PEX3: variants seen among roughly 807,000 people sequenced by gnomAD.
PEX3 encodes the protein peroxisomal biogenesis factor 3.
Under a neutral mutation model 55.8 loss-of-function variants are expected in PEX3, and 30 were observed. The ratio of observed to expected loss-of-function variants is 0.54; its 90% CI spans 0.40 to 0.73. The LOEUF (loss-of-function observed/expected upper bound fraction) is 0.73, where lower values mean the gene tolerates loss of function less well. PEX3 is among the 30% of genes least tolerant of loss of function. The probability of loss-of-function intolerance (pLI) is 0.00; values close to 1 mark genes in which losing one functional copy is unlikely to be tolerated. For synonymous variants in PEX3, 135 were observed against 148.4 expected (o/e 0.91, Z 0.66); for missense variants, 351 against 432.8 (o/e 0.81, Z 1.68).
At position 143,489,679 on chromosome 6, in the gene PEX3, G is replaced by A. The variant is rs2128748420; in HGVS notation, c.*453G>A. 1 of 152,138 alleles carries A rather than the reference G, an allele frequency of 6.6e-6. No homozygotes were observed. The highest frequency in any genetic ancestry group is 2.4e-5 in the African/African-American group (1 of 41,522). 9.4% of individuals were successfully genotyped at this position (152,138 alleles called of 1,614,324 possible). Reference sequence around the variant, plus strand: ...GTTCCCTAGACTGCTGTAAACAGAAGTGAATCAGACTTTTCTCCAGCTACC... The same window carrying A: ...GTTCCCTAGACTGCTGTAAACAGAAATGAATCAGACTTTTCTCCAGCTACC... On this transcript the variant is annotated 3_prime_UTR_variant, in exon 12 of 12. Coordinates refer to ENST00000367591, the MANE Select transcript of PEX3 (RefSeq NM_003630.3). The surrounding 1 kb of genome is among the most constrained non-coding windows in gnomAD (Gnocchi z 5.5).
At chr6:143,461,358 G>A (rs1779916979) in intron 2 of PEX3, among the ~76,000 whole-genome samples, 1 of 152,142 alleles carries the variant, frequency 6.6e-6, no homozygotes, top group South Asian at 2.1e-4. Flanking sequence ...GGGGTCACAC[G>A]TTTCCATGAT....
In PEX3 at chr6:143,465,206, G is replaced by A. The variant is rs1779975559; in HGVS notation, c.287+2209G>A. 6.6e-6 allele frequency among the ~76,000 whole-genome samples: 1 copy of A among 151,938 alleles called. No homozygotes were observed. The highest frequency in any genetic ancestry group is 1.5e-5 in the Non-Finnish European group (1 of 67,846). Reference sequence around the variant, plus strand: ...TTGATTTCCATCAAACAAATCATTTGAAAGGAATATTTGTGTTGAAGGTAC... The same window carrying A: ...TTGATTTCCATCAAACAAATCATTTAAAAGGAATATTTGTGTTGAAGGTAC... On this transcript the variant is annotated intron_variant, in intron 3 of 11. Coordinates refer to ENST00000367591, the MANE Select transcript of PEX3 (RefSeq NM_003630.3). The surrounding 1 kb of genome is among the most constrained non-coding windows in gnomAD (Gnocchi z 4.7).
At position 143,451,192 on chromosome 6, in the gene PEX3, G is replaced by C; in HGVS notation, c.73+77G>C. ...GTGACTTCTTCTAAAATAAGGACAG[G>C]CCGGGCGATCCTAGTCTGGGATATG... On this transcript the variant is annotated intron_variant, in intron 1 of 11. Transcript: ENST00000367591. This position sits in a 1 kb window ranked among gnomAD's most constrained non-coding sequence, Gnocchi z 4.1. 1.9e-6 allele frequency: 2 copies of C among 1,046,118 alleles called. No homozygotes were observed. The highest frequency in any genetic ancestry group is 3.0e-6 in the Non-Finnish European group (2 of 665,894). The allele number at this position is 1,046,118 out of a possible 1,614,324, so 64.8% of individuals were successfully genotyped here. A position where few individuals can be genotyped will look rare whatever the true frequency, so the allele number is the denominator to read the frequency against.
At position 143,451,155 on chromosome 6, in the gene PEX3, G is replaced by C. The variant is rs779123399; in HGVS notation, c.73+40G>C. On this transcript the variant is annotated intron_variant, in intron 1 of 11. Coordinates refer to ENST00000367591, the MANE Select transcript of PEX3 (RefSeq NM_003630.3). The surrounding 1 kb of genome is among the most constrained non-coding windows in gnomAD (Gnocchi z 4.1). Reference sequence around the variant, plus strand: ...GCTTGAAAGGGGGCATTGGGAGAAGGGGGTGGGAGAGGTGACTTCTTCTAA... The same window carrying C: ...GCTTGAAAGGGGGCATTGGGAGAAGCGGGTGGGAGAGGTGACTTCTTCTAA... The C allele has an allele frequency of 2.2e-6, 3 of 1,376,352 alleles. No homozygotes were observed. The highest frequency in any genetic ancestry group is 3.3e-5 in the Admixed American group (2 of 59,742). 85.3% of individuals were successfully genotyped at this position (1,376,352 alleles called of 1,614,324 possible).
intron 10 of PEX3, among the ~76,000 whole-genome samples, chr6:143,481,017 C>T (rs1290376594): frequency 6.8e-6 from 1 of 148,078 alleles, no homozygotes; most frequent in Non-Finnish European, 1.5e-5. Flanking sequence ...CCTGCCCCCC[C>T]AAAAAAAGAA....
At position 143,489,205 on chromosome 6, in the gene PEX3, C is replaced by G; in HGVS notation, c.1101C>G (p.Thr367=). 2.5e-6 allele frequency: 4 copies of G among 1,598,966 alleles called. No individual in the cohort carries two copies. The highest frequency in any genetic ancestry group is 2.6e-6 in the Non-Finnish European group (3 of 1,166,532). ...FAANVYEAFS[T]PQQLEK ...CTAATGTGTATGAAGCTTTTAGTAC[C>G]CCTCAGCAACTGGAGAAATGATTTT... is the stretch of plus-strand genomic sequence containing the variant. The change falls in exon 12 of 12, where the codon ACC becomes ACG. Residue 367 remains threonine, a synonymous_variant. Coordinates refer to ENST00000367591, the MANE Select transcript of PEX3 (RefSeq NM_003630.3). The surrounding 1 kb of genome is among the most constrained non-coding windows in gnomAD (Gnocchi z 5.5).
At chr6:143,472,045 T>A in intron 7 of PEX3, 115 bp from the exon 8 acceptor site, 1 of 751,818 alleles carries the variant, frequency 1.3e-6, no homozygotes, top group Non-Finnish European at 2.3e-6. Context: ...AGTCAGCAGT[T>A]ACAGGTGTAA....
intron 1 of PEX3, among the ~76,000 whole-genome samples, chr6:143,457,818 G>A (rs1206550880): frequency 6.6e-6 from 1 of 152,134 alleles, no homozygotes; most frequent in East Asian, 1.9e-4. Flanking sequence ...TCATGCTACC[G>A]CAGAACTGCT....
At position 143,476,613 on chromosome 6, in the gene PEX3, A is replaced by T. The variant is rs995262422; in HGVS notation, c.818+1757A>T. On this transcript the variant is annotated intron_variant, in intron 9 of 11. Coordinates refer to ENST00000367591, the MANE Select transcript of PEX3 (RefSeq NM_003630.3). This position sits in a 1 kb window ranked among gnomAD's most constrained non-coding sequence, Gnocchi z 5.4. The stretch of plus-strand genomic sequence containing the variant: ...ATAGATTTATTTTTAAGGTTGAACC[A>T]GTAGTACTTGTGGAATTATTTAGTG... 1.4e-4 allele frequency among the ~76,000 whole-genome samples: 21 copies of T among 152,208 alleles called. 1 individual carries two copies. The highest frequency in any genetic ancestry group is 1.5e-5 in the Non-Finnish European group (1 of 68,026).
rs539815727 is a variant in PEX3 at position 143,450,931 on chromosome 6, A to G, written c.-112A>G. ...CACGTTTGTGATTTCGGGAGAGCACAGAACGGGACGACGGCGCTCTTGCTG... is the reference window on the plus strand; with the variant it reads ...CACGTTTGTGATTTCGGGAGAGCACGGAACGGGACGACGGCGCTCTTGCTG... On this transcript the variant is annotated 5_prime_UTR_variant, in exon 1 of 12. Transcript: ENST00000367591. 5.7e-5 allele frequency: 50 copies of G among 880,794 alleles called. No homozygotes were observed. The highest frequency in any genetic ancestry group is 5.6e-4 in the Admixed American group (33 of 59,144). 54.6% of individuals were successfully genotyped at this position (880,794 alleles called of 1,614,324 possible).
At position 143,472,346 on chromosome 6, in the gene PEX3, A is replaced by G; in HGVS notation, c.747+18A>G. The G allele has an allele frequency of 6.4e-7, 1 of 1,567,012 alleles. No homozygotes were observed. The highest frequency in any genetic ancestry group is 8.8e-7 in the Non-Finnish European group (1 of 1,138,830). ...CAGTGCAGGTGCTTAATTCATAACCATTTAACCAAACCAGTTACTCTATTC... is the reference window on the plus strand; with the variant it reads ...CAGTGCAGGTGCTTAATTCATAACCGTTTAACCAAACCAGTTACTCTATTC... On this transcript the variant is annotated intron_variant, in intron 8 of 11. Coordinates refer to ENST00000367591, the MANE Select transcript of PEX3 (RefSeq NM_003630.3).
In PEX3 at chr6:143,487,836, A is replaced by G. The variant is rs1380385883; in HGVS notation, c.1039-1307A>G. Among the ~76,000 whole-genome samples the G allele has an allele frequency of 6.6e-6, 1 of 152,046 alleles. No homozygotes were observed. Among genetic ancestry groups the G allele is most frequent in the Admixed American group, 6.6e-5 (1 of 15,250 alleles). On this transcript the variant is annotated intron_variant, in intron 11 of 11. Coordinates refer to ENST00000367591, the MANE Select transcript of PEX3 (RefSeq NM_003630.3). The surrounding 1 kb of genome is among the most constrained non-coding windows in gnomAD (Gnocchi z 5.3). Reference sequence around the variant, plus strand: ...TTTCTGCCTCTGTTCTTCTCTCATTAGCACAAGACAGTTAAAGTAATGTTA... The same window carrying G: ...TTTCTGCCTCTGTTCTTCTCTCATTGGCACAAGACAGTTAAAGTAATGTTA...
chr6:143,479,378 G>A lies in PEX3; in HGVS notation c.941+180G>A, dbSNP rs759879449. Among the ~76,000 whole-genome samples the A allele has an allele frequency of 6.6e-6, 1 of 152,048 alleles. No homozygotes were observed. Among genetic ancestry groups the A allele is most frequent in the African/African-American group, 2.4e-5 (1 of 41,430 alleles). On this transcript the variant is annotated intron_variant, in intron 10 of 11. Transcript: ENST00000367591. This position sits in a 1 kb window ranked among gnomAD's most constrained non-coding sequence, Gnocchi z 4.6. ...TAGCAGAAGCTCCTTCTTGGTTTCA[G>A]TATTAAAACTTGGAGTCTTCCAGAA...
Position 143,450,811 on chromosome 6 carries a change from C to T in PEX3, c.-232C>T. 2 of 838,122 alleles carry T rather than the reference C, an allele frequency of 2.4e-6. No individual in the cohort carries two copies. Among genetic ancestry groups the T allele is most frequent in the South Asian group, 1.6e-5 (1 of 64,186 alleles). 51.9% of individuals were successfully genotyped at this position (838,122 alleles called of 1,614,324 possible). Reference sequence around the variant, plus strand: ...GACCTGGGCTTGTCGGACCAGTGAGCGGCGGCGGCTGCGCGGCGGCAGCGG... The same window carrying T: ...GACCTGGGCTTGTCGGACCAGTGAGTGGCGGCGGCTGCGCGGCGGCAGCGG... On this transcript the variant is annotated 5_prime_UTR_variant, in exon 1 of 12. Transcript: ENST00000367591.
chr6:143,472,067 A>G (rs1021899926), intron 7 of PEX3, 93 bp from the exon 8 acceptor site: 6 of 876,332 alleles, frequency 6.8e-6, no homozygotes, highest in Admixed American at 3.9e-5. Context: ...CAGAAGAAAC[A>G]GGATTTTAGA....
chr6:143,471,781 CTT>C lies in PEX3; in HGVS notation c.578+178_578+179del, dbSNP rs3834741. ...GCATTGTGGGATCCATTTTCTTTATCTTTTTTTTTATACAGAGGGGAAAGTTT... is the reference window on the plus strand; with the variant it reads ...GCATTGTGGGATCCATTTTCTTTATCTTTTTTTATACAGAGGGGAAAGTTT... On this transcript the variant is annotated intron_variant, in intron 7 of 11. Coordinates refer to ENST00000367591, the MANE Select transcript of PEX3 (RefSeq NM_003630.3). The surrounding 1 kb of genome is among the most constrained non-coding windows in gnomAD (Gnocchi z 5.4). Among the ~76,000 whole-genome samples, 29,752 of 151,172 alleles carry C rather than the reference CTT, an allele frequency of 0.2. 3,101 individuals are homozygous for C. Among genetic ancestry groups the C allele is most frequent in the Non-Finnish European group, 0.22 (14,895 of 67,676 alleles).
chr6:143,451,332 ACT>A lies in PEX3; in HGVS notation c.73+220_73+221del, dbSNP rs1173540111. On this transcript the variant is annotated intron_variant, in intron 1 of 11. Coordinates refer to ENST00000367591, the MANE Select transcript of PEX3 (RefSeq NM_003630.3). The surrounding 1 kb of genome is among the most constrained non-coding windows in gnomAD (Gnocchi z 4.1). ...CCCTTTGCCCTGTCACCGACTCTTA[ACT>A]CTGTTTCTCACCTATCCTTTTTTCT... 6.6e-6 allele frequency among the ~76,000 whole-genome samples: 1 copy of A among 151,738 alleles called. No individual in the cohort carries two copies. Among genetic ancestry groups the A allele is most frequent in the Non-Finnish European group, 1.5e-5 (1 of 67,934 alleles).
chr6:143,457,173 G>A (rs979268499), intron 1 of PEX3, among the ~76,000 whole-genome samples: 1 of 152,172 alleles, frequency 6.6e-6, no homozygotes, highest in Non-Finnish European at 1.5e-5. Context: ...GTAAGCTGTT[G>A]TGCAAATAAG....
At chr6:143,455,230 T>G (rs1779828340) in intron 1 of PEX3, among the ~76,000 whole-genome samples, 1 of 151,750 alleles carries the variant, frequency 6.6e-6, no homozygotes, top group South Asian at 2.1e-4. Context: ...TCTTGCTCTG[T>G]CGCCCAGGCT....
Sources: allele counts gnomAD v4.1 joint callset (sites outside exome capture counted in the v4.1 genomes callset), GRCh38; gene constraint gnomAD v4.1.1; non-coding constraint Gnocchi (gnomAD v3.1); transcripts MANE v1.5; gene names NCBI Gene and HGNC (gene_info 2026-07-23, HGNC 2026-07-21).